The following RBMX variants were observed in gnomAD, a reference collection of about 807,000 sequenced individuals.
RBMX encodes the protein RNA binding motif protein X-linked.
RBMX carries 1 observed loss-of-function variant against 29.3 expected under a neutral mutation model. That is an observed-to-expected ratio of 0.03 (90% CI 0.01 to 0.16). The LOEUF (loss-of-function observed/expected upper bound fraction) is 0.16, where lower values mean the gene tolerates loss of function less well. RBMX is among the 10% of genes least tolerant of loss of function. RBMX has a pLI of 1.00. For missense variants in RBMX, 121 were observed against 333.2 expected, an observed-to-expected ratio of 0.36 and a Z score of 4.96; for synonymous variants, 102 against 102.3, an observed-to-expected ratio of 1.00 and a Z score of 0.02.
chrX:136,879,006 G>A lies in RBMX; in HGVS notation c.216+11C>T, dbSNP rs200614913. ...GTAACAGGTTATCATCCATCGTGTA[G>A]ACAATCTCACCTTTCCATTCATGTC... is the stretch of plus-strand genomic sequence containing the variant. On this transcript the variant is annotated intron_variant, in intron 3 of 8. Transcript: ENST00000320676. 3 of 1,209,142 alleles carry A rather than the reference G, an allele frequency of 2.5e-6. No homozygotes were observed. The highest frequency in any genetic ancestry group is 3.4e-6 in the Non-Finnish European group (3 of 895,026).
In RBMX at chrX:136,873,535, G is replaced by A. The variant is rs1232204035; in HGVS notation, c.*607C>T. 5.3e-6 allele frequency: 4 copies of A among 751,382 alleles called. No homozygotes were observed. The highest frequency in any genetic ancestry group is 6.3e-6 in the Non-Finnish European group (4 of 636,228). The allele number at this position is 751,382 out of a possible 1,213,427, so 61.9% of individuals were successfully genotyped here. On this transcript the variant is annotated 3_prime_UTR_variant, in exon 9 of 9. Coordinates refer to ENST00000320676, the MANE Select transcript of RBMX (RefSeq NM_002139.4). ...CACTTAAATGGTCTTATTGGGGGAA[G>A]GGAAAGGGGAGGTTCTTGCAGATTC...
chrX:136,878,468 G>T (rs770990329), intron 3 of RBMX, among the ~76,000 whole-genome samples: 1 of 110,485 alleles, frequency 9.1e-6, no homozygotes, highest in Non-Finnish European at 1.9e-5. Flanking sequence ...GGGCGCAGTG[G>T]CTCGCAGTGT....
intron 5 of RBMX, among the ~76,000 whole-genome samples, chrX:136,875,850 G>T (rs1375181835): frequency 9.3e-6 from 1 of 107,825 alleles, no homozygotes; most frequent in Non-Finnish European, 1.9e-5. Context: ...CACCCAGGCT[G>T]GAGTGCAGTC....
At chrX:136,877,594 G>A (rs746478489) in intron 4 of RBMX, among the ~76,000 whole-genome samples, 2 of 108,540 alleles carry the variant, frequency 1.8e-5, no homozygotes, top group East Asian at 5.9e-4. Flanking sequence ...GGGATTACAG[G>A]CACCTGCCAC....
chrX:136,871,935 G>A (rs986937810), downstream of RBMX, among the ~76,000 whole-genome samples: 4 of 109,295 alleles, frequency 3.7e-5, no homozygotes, highest in Admixed American at 9.9e-5. Context: ...TTAAAGGCAC[G>A]AGCCATGGTG....
chrX:136,877,563 G>A (rs2077747191), intron 4 of RBMX, among the ~76,000 whole-genome samples: 1 of 105,050 alleles, frequency 9.5e-6, no homozygotes, highest in South Asian at 4.4e-4. Context: ...TGATTCTTCT[G>A]CCTCAGCCTC....
chrX:136,871,058 G>A (rs1186338108), downstream of RBMX, among the ~76,000 whole-genome samples: 1 of 108,168 alleles, frequency 9.2e-6, no homozygotes, highest in Non-Finnish European at 1.9e-5. Flanking sequence ...AGGTTGCAGT[G>A]AGCTGAGATC....
intron 8 of RBMX, chrX:136,874,834 T>TG (rs1172881166): frequency 2.2e-6 from 1 of 447,025 alleles, no homozygotes; most frequent in Non-Finnish European, 3.4e-6. Flanking sequence ...TTTTCACTGT[T>TG]GGGGGAAAAC....
chrX:136,878,929 C>G, intron 3 of RBMX, 88 bp downstream of exon 3: 10 of 1,129,542 alleles, frequency 8.9e-6, no homozygotes, highest in Non-Finnish European at 1.2e-5. Flanking sequence ...AACGAAAACT[C>G]AAAAGCTGTC....
downstream of RBMX, chrX:136,872,396 T>C (rs2077690916): frequency 3.7e-6 from 4 of 1,080,560 alleles, no homozygotes; most frequent in Admixed American, 2.6e-5. Flanking sequence ...AGGAAATTCT[T>C]TTAAAACTTG....
downstream of RBMX, chrX:136,873,004 AAAC>A (rs1279408520): frequency 2.7e-5 from 3 of 110,218 alleles, no homozygotes; most frequent in African/African-American, 9.9e-5. Flanking sequence ...CGCCATTGGT[AAAC>A]AACAGCTCTA....
In RBMX at chrX:136,875,286, G is replaced by A; in HGVS notation, c.754C>T (p.Arg252Cys). 3 of 1,211,605 alleles carry A rather than the reference G, an allele frequency of 2.5e-6. No individual in the cohort carries two copies. Among genetic ancestry groups the A allele is most frequent in the Non-Finnish European group, 2.2e-6 (2 of 895,326 alleles). ...TATCCTCTTGATGGATAGTCATCAC[G>A]TGAACTGGAATGACCATAATCACGG... ...TYRDYGHSSS[R>C]DDYPSRGYSD... Residue 252 changes from arginine (R) to cysteine (C), a missense_variant, in exon 7 of 9, where the codon CGT becomes TGT. Arg to Cys is a radical substitution (Grantham distance 180). Coordinates refer to ENST00000320676, the MANE Select transcript of RBMX (RefSeq NM_002139.4).
downstream of RBMX, chrX:136,869,809 C>G (rs1329070321): frequency 8.9e-6 from 1 of 112,042 alleles, no homozygotes; most frequent in Non-Finnish European, 1.9e-5. Context: ...ACTATTGGCT[C>G]TAGTCTCCAA....
At chrX:136,877,087 C>A (rs778417007) in intron 4 of RBMX, among the ~76,000 whole-genome samples, 2 of 109,047 alleles carry the variant, frequency 1.8e-5, no homozygotes, top group East Asian at 6.0e-4. Context: ...GCCTGTAATC[C>A]CAGCACTTTG....
chrX:136,877,482 C>T (rs1191526201), intron 4 of RBMX, among the ~76,000 whole-genome samples: 2 of 100,909 alleles, frequency 2.0e-5, no homozygotes, highest in Non-Finnish European at 2.0e-5. Context: ...GAGGGAGTCT[C>T]GCTGTTCCCC....
At chrX:136,878,201 A>T (rs918509961) in intron 3 of RBMX, 115 bp from the exon 4 acceptor site, 1 of 655,387 alleles carries the variant, frequency 1.5e-6, no homozygotes, top group Non-Finnish European at 2.2e-6. Flanking sequence ...AGTGTTGCTC[A>T]TTAGTCTAAG....
At chrX:136,875,806 GTTTT>G (rs373439816) in intron 5 of RBMX, among the ~76,000 whole-genome samples, 1 of 101,452 alleles carries the variant, frequency 9.9e-6, no homozygotes, top group Admixed American at 1.1e-4. Flanking sequence ...TAAAAGTTTT[GTTTT>G]TTTTTTTTGA....
intron 6 of RBMX, 38 bp downstream of exon 6, chrX:136,875,433 C>T (rs1556342601): frequency 2.5e-6 from 3 of 1,206,889 alleles, no homozygotes; most frequent in Non-Finnish European, 3.4e-6. Context: ...TTCCTTCAAC[C>T]TTAATTATTA....
downstream of RBMX, among the ~76,000 whole-genome samples, chrX:136,871,443 C>CA (rs113464554): frequency 3.5e-3 from 202 of 58,172 alleles, 1 homozygote; most frequent in East Asian, 0.017. Flanking sequence ...GACTCCGTCT[C>CA]AAAAAAAAAA....
Sources: allele counts gnomAD v4.1 joint callset (sites outside exome capture counted in the v4.1 genomes callset), GRCh38; gene constraint gnomAD v4.1.1; transcripts MANE v1.5; gene names NCBI Gene and HGNC (gene_info 2026-07-23, HGNC 2026-07-21).